ROBO1: variants seen among roughly 807,000 people sequenced by gnomAD.
ROBO1 encodes roundabout homolog 1.
In ROBO1, 149 loss-of-function variants were observed where a neutral mutation model predicts 195.9. That is an observed-to-expected ratio of 0.76 (90% confidence interval 0.67 to 0.87). The LOEUF (loss-of-function observed/expected upper bound fraction) is 0.87, where lower values mean the gene tolerates loss of function less well. Ranked by LOEUF, ROBO1 falls within the 40% of genes least tolerant of loss-of-function variation. The pLI is 0.00. For synonymous variants in ROBO1, 816 were observed against 733.2 expected, an observed-to-expected ratio of 1.11 and a Z score of -1.82; for missense variants, 1,933 against 2,068.3, an observed-to-expected ratio of 0.93 and a Z score of 1.27.
chr3:78,960,612 C>T (rs2107829407), intron 3 of ROBO1, among the ~76,000 whole-genome samples: 1 of 151,890 alleles, frequency 6.6e-6, no homozygotes, highest in East Asian at 1.9e-4. Context: ...AATCCCATCG[C>T]TACTAAAAAT....
At chr3:78,765,882 A>G (rs940143272) in intron 4 of ROBO1, among the ~76,000 whole-genome samples, 2 of 152,192 alleles carry the variant, frequency 1.3e-5, no homozygotes, top group African/African-American at 4.8e-5. Flanking sequence ...TTGCTGGCTC[A>G]GGATCAAGGT....
chr3:78,598,994 T>C (rs965845939), intron 30 of ROBO1, 67 bp from the exon 31 acceptor site: 77 of 895,782 alleles, frequency 8.6e-5, no homozygotes, highest in Non-Finnish European at 1.2e-4. Flanking sequence ...TATTTATTTA[T>C]ATGCATTTAT....
intron 25 of ROBO1, among the ~76,000 whole-genome samples, chr3:78,628,224 G>C (rs553245129): frequency 2.6e-5 from 4 of 152,122 alleles, no homozygotes; most frequent in African/African-American, 9.7e-5. Context: ...AAAGTGCTGG[G>C]ATTACAGGCG....
intron 3 of ROBO1, among the ~76,000 whole-genome samples, chr3:79,005,791 T>A (rs1251258787): frequency 6.6e-6 from 1 of 152,182 alleles, no homozygotes; most frequent in Non-Finnish European, 1.5e-5. Flanking sequence ...CTGGTTAATA[T>A]TCAATTGTTA....
intron 1 of ROBO1, among the ~76,000 whole-genome samples, chr3:79,765,976 T>G (rs1704962955): frequency 6.6e-6 from 1 of 152,108 alleles, no homozygotes; most frequent in South Asian, 2.1e-4. Context: ...ACAGGGCAGA[T>G]GACACAGAGG....
At chr3:78,618,557 A>T (rs73850727) in intron 26 of ROBO1, among the ~76,000 whole-genome samples, 3,486 of 152,212 alleles carry the variant, frequency 0.023, 127 homozygotes, top group African/African-American at 0.075. Flanking sequence ...CATAAGATTT[A>T]AAAAAGCACA....
intron 2 of ROBO1, among the ~76,000 whole-genome samples, chr3:79,447,154 T>G (rs2039288465): frequency 6.6e-6 from 1 of 152,126 alleles, no homozygotes; most frequent in Non-Finnish European, 1.5e-5. Flanking sequence ...ATTACAGGTG[T>G]GAGCCACTGC....
At chr3:78,880,351 C>T (rs1366502075) in intron 4 of ROBO1, among the ~76,000 whole-genome samples, 1 of 151,924 alleles carries the variant, frequency 6.6e-6, no homozygotes. Context: ...ATTTCATAAC[C>T]AGAAAGAAAT....
chr3:78,798,474 C>CTGTTTAT (rs2084252569), intron 4 of ROBO1, among the ~76,000 whole-genome samples: 1 of 152,276 alleles, frequency 6.6e-6, no homozygotes, highest in South Asian at 2.1e-4. Flanking sequence ...CTTAATAGTT[C>CTGTTTAT]TGTTTATAAA....
At chr3:78,679,798 C>A (rs2107784443) in intron 10 of ROBO1, among the ~76,000 whole-genome samples, 1 of 152,206 alleles carries the variant, frequency 6.6e-6, no homozygotes, top group South Asian at 2.1e-4. Flanking sequence ...ATCAAGCTAC[C>A]AATGACTTTC....
chr3:79,398,924 T>G (rs115882168), intron 2 of ROBO1, among the ~76,000 whole-genome samples: 4 of 148,838 alleles, frequency 2.7e-5, no homozygotes, highest in Non-Finnish European at 4.5e-5. Context: ...AAAAAGTATG[T>G]TTTTTTTTTC....
At chr3:79,272,686 C>T (rs1397334950) in intron 2 of ROBO1, among the ~76,000 whole-genome samples, 1 of 152,030 alleles carries the variant, frequency 6.6e-6, no homozygotes, top group African/African-American at 2.4e-5. Context: ...CAACACCAGG[C>T]AGAATTCAGC....
At chr3:79,420,375 G>A (rs1031764962) in intron 2 of ROBO1, among the ~76,000 whole-genome samples, 9 of 152,026 alleles carry the variant, frequency 5.9e-5, no homozygotes, top group African/African-American at 1.7e-4. Context: ...TCTTACCAAC[G>A]AATACAAAGT....
chr3:79,461,955 TATCA>T, intron 2 of ROBO1, among the ~76,000 whole-genome samples: 1 of 152,278 alleles, frequency 6.6e-6, no homozygotes, highest in East Asian at 1.9e-4. Context: ...TTGTCCAATC[TATCA>T]ATCTATTTAT....
chr3:78,977,631 G>A (rs976687360), intron 3 of ROBO1, among the ~76,000 whole-genome samples: 24 of 150,704 alleles, frequency 1.6e-4, no homozygotes, highest in African/African-American at 5.3e-4. Context: ...AGATTATTCC[G>A]TAAGCTACAC....
chr3:79,484,416 A>G (rs1939037915), intron 2 of ROBO1, among the ~76,000 whole-genome samples: 1 of 152,196 alleles, frequency 6.6e-6, no homozygotes, highest in South Asian at 2.1e-4. Flanking sequence ...TTGTAGATTT[A>G]AAGTCATTCT....
At chr3:79,254,560 A>T (rs1357369986) in intron 2 of ROBO1, among the ~76,000 whole-genome samples, 1 of 152,158 alleles carries the variant, frequency 6.6e-6, no homozygotes, top group Non-Finnish European at 1.5e-5. Context: ...AAACAAGAGA[A>T]GAACTAATAA....
chr3:78,791,414 A>C (rs1266403304), intron 4 of ROBO1, among the ~76,000 whole-genome samples: 1 of 152,156 alleles, frequency 6.6e-6, no homozygotes, highest in Admixed American at 6.5e-5. Context: ...CTCTCTCATA[A>C]TTTAAGCTGT....
intron 4 of ROBO1, among the ~76,000 whole-genome samples, chr3:78,800,585 C>T (rs1484382443): frequency 6.6e-6 from 1 of 152,120 alleles, no homozygotes; most frequent in African/African-American, 2.4e-5. Context: ...AAGACAGAGT[C>T]TCACCGTGTC....
Sources: allele counts gnomAD v4.1 joint callset (sites outside exome capture counted in the v4.1 genomes callset), GRCh38; gene constraint gnomAD v4.1.1; transcripts MANE v1.5; gene names NCBI Gene and HGNC (gene_info 2026-07-23, HGNC 2026-07-21).